The following DENND1A variants were observed in gnomAD, a reference collection of about 807,000 sequenced individuals.
DENND1A encodes DENN domain-containing protein 1A.
DENND1A carries 51 observed loss-of-function variants against 113.7 expected under a neutral mutation model. The ratio of observed to expected loss-of-function variants is 0.45; its 90% confidence interval spans 0.36 to 0.57. The LOEUF (loss-of-function observed/expected upper bound fraction) is 0.57. Among genes scored for constraint, DENND1A ranks in the 20% least tolerant of loss-of-function variants. DENND1A has a pLI of 0.00. For synonymous variants in DENND1A, 565 were observed against 570.8 expected (o/e 0.99, Z 0.14); for missense variants, 1,258 against 1,395.9 (o/e 0.90, Z 1.57).
At chr9:123,586,193 C>T (rs2059153626) in intron 11 of DENND1A, among the ~76,000 whole-genome samples, 1 of 152,034 alleles carries the variant, frequency 6.6e-6, no homozygotes, top group Non-Finnish European at 1.5e-5. Flanking sequence ...TCCAAATAGT[C>T]CCAAACAGAA....
intron 13 of DENND1A, among the ~76,000 whole-genome samples, chr9:123,481,801 T>C (rs566536976): frequency 1.5e-4 from 23 of 150,708 alleles, no homozygotes; most frequent in Middle Eastern, 3.4e-3. Flanking sequence ...TTCTTTCTTT[T>C]TTTTTTTTTT....
intron 13 of DENND1A, among the ~76,000 whole-genome samples, chr9:123,491,400 G>A (rs1253986693): frequency 6.6e-6 from 1 of 152,244 alleles, no homozygotes; most frequent in East Asian, 1.9e-4. Context: ...CCTTCAGGTA[G>A]TCTTCTGGGA....
chr9:123,772,119 G>A (rs1829822257), intron 3 of DENND1A, among the ~76,000 whole-genome samples: 1 of 152,006 alleles, frequency 6.6e-6, no homozygotes, highest in Non-Finnish European at 1.5e-5. Context: ...AAGAGGGAGG[G>A]AAAAACAAGC....
At chr9:123,443,270 TCTC>T (rs2047060857) in intron 18 of DENND1A, among the ~76,000 whole-genome samples, 2 of 152,290 alleles carry the variant, frequency 1.3e-5, no homozygotes, top group African/African-American at 4.8e-5. Context: ...GATGTAATCT[TCTC>T]CTCGGAAGCT....
chr9:123,673,347 T>C (rs1269951007), intron 6 of DENND1A, among the ~76,000 whole-genome samples: 1 of 152,260 alleles, frequency 6.6e-6, no homozygotes, highest in Non-Finnish European at 1.5e-5. Context: ...TTTACTATCC[T>C]AATTTGTTTT....
At chr9:123,585,636 C>A (rs1369312487) in intron 11 of DENND1A, among the ~76,000 whole-genome samples, 1 of 152,194 alleles carries the variant, frequency 6.6e-6, no homozygotes, top group Non-Finnish European at 1.5e-5. Flanking sequence ...ACAAAAACAG[C>A]ATCAATGGCC....
intron 2 of DENND1A, among the ~76,000 whole-genome samples, chr9:123,794,395 G>T (rs1486314465): frequency 6.6e-6 from 1 of 152,166 alleles, no homozygotes; most frequent in Non-Finnish European, 1.5e-5. Context: ...GCCACTGAGG[G>T]ACATAATAAA....
Position 123,900,187 on chromosome 9 carries a change from T to C in DENND1A, c.18-21166A>G, listed in dbSNP as rs200656059. ...CAGTTATCTGGAACCATCACAAATA[T>C]AAATCCTGGGAGTTAAACATATAAA... On this transcript the variant is annotated intron_variant, in intron 1 of 23. Transcript: ENST00000394215. 2.6e-5 allele frequency among the ~76,000 whole-genome samples: 4 copies of C among 152,344 alleles called. No homozygotes were observed. The East Asian group carries it at 5.8e-4, about 22-fold the overall frequency.
chr9:123,924,025 T>C (rs1856698155), intron 1 of DENND1A, among the ~76,000 whole-genome samples: 1 of 152,154 alleles, frequency 6.6e-6, no homozygotes, highest in Non-Finnish European at 1.5e-5. Context: ...CCCAAATACC[T>C]AACAACTGAC....
intron 2 of DENND1A, among the ~76,000 whole-genome samples, chr9:123,836,600 TAA>T (rs1404307336): frequency 6.6e-6 from 1 of 152,212 alleles, no homozygotes; most frequent in Non-Finnish European, 1.5e-5. Context: ...AGTTTGAGTC[TAA>T]GTTTTTCATA....
intron 12 of DENND1A, among the ~76,000 whole-genome samples, chr9:123,571,833 T>C (rs1334426398): frequency 1.3e-5 from 2 of 152,168 alleles, no homozygotes; most frequent in African/African-American, 4.8e-5. Context: ...GATTGTTGGG[T>C]TGTATGGTAG....
intron 2 of DENND1A, among the ~76,000 whole-genome samples, chr9:123,796,339 A>G (rs1590119004): frequency 6.6e-6 from 1 of 152,186 alleles, no homozygotes; most frequent in Non-Finnish European, 1.5e-5. Flanking sequence ...CAAAAGCACA[A>G]TCTCACTCAG....
At chr9:123,826,230 C>T (rs1839307400) in intron 2 of DENND1A, among the ~76,000 whole-genome samples, 1 of 151,964 alleles carries the variant, frequency 6.6e-6, no homozygotes, top group Non-Finnish European at 1.5e-5. Flanking sequence ...AGTGAGACCC[C>T]TATCTCTACA....
At chr9:123,813,437 C>A (rs1259452588) in intron 2 of DENND1A, among the ~76,000 whole-genome samples, 1 of 151,244 alleles carries the variant, frequency 6.6e-6, no homozygotes, top group Non-Finnish European at 1.5e-5. Flanking sequence ...AGTAAATTCT[C>A]TCTCAAATAG....
At chr9:123,386,398 T>TTA (rs11404696) in intron 22 of DENND1A, among the ~76,000 whole-genome samples, 2 of 150,806 alleles carry the variant, frequency 1.3e-5, no homozygotes, top group Non-Finnish European at 3.0e-5. Flanking sequence ...TTTTTTTTTT[T>TTA]AAAGGCAGAG....
chr9:123,861,930 C>T (rs1451781956), intron 2 of DENND1A, among the ~76,000 whole-genome samples: 1 of 152,092 alleles, frequency 6.6e-6, no homozygotes, highest in Non-Finnish European at 1.5e-5. Context: ...ATGCACAACA[C>T]AAAGAGGCTT....
chr9:123,922,248 T>C (rs987350386), intron 1 of DENND1A, among the ~76,000 whole-genome samples: 1 of 152,168 alleles, frequency 6.6e-6, no homozygotes, highest in African/African-American at 2.4e-5. Flanking sequence ...ATTCCTTTTC[T>C]TTACACTGCC....
At chr9:123,757,912 C>T (rs2070708221) in intron 4 of DENND1A, 90 bp from the exon 5 acceptor site, 1 of 1,378,306 alleles carries the variant, frequency 7.3e-7, no homozygotes, top group Non-Finnish European at 9.6e-7. Context: ...GAACTTATAA[C>T]ATTTCCTCTC....
rs1289902845 is a variant in DENND1A, at chr9:123,909,388, TATAAA to T, written c.17+20496_17+20500del. On this transcript the variant is annotated intron_variant, in intron 1 of 23. Coordinates refer to ENST00000394215, the MANE Select transcript of DENND1A (RefSeq NM_001352964.2). Reference sequence around the variant, plus strand: ...AAAACAATAAAAAAATAAAATAAAATATAAAATAAAATAAAAAATAAAAATAAATA... The same window carrying T: ...AAAACAATAAAAAAATAAAATAAAATATAAAATAAAAAATAAAAATAAATA... Among the ~76,000 whole-genome samples the T allele has an allele frequency of 3.4e-5, 5 of 146,486 alleles. No individual in the cohort carries two copies. In the East Asian group the frequency reaches 5.9e-4, roughly 17 times the overall value.
Sources: allele counts gnomAD v4.1 joint callset (sites outside exome capture counted in the v4.1 genomes callset), GRCh38; gene constraint gnomAD v4.1.1; transcripts MANE v1.5; gene names NCBI Gene and HGNC (gene_info 2026-07-23, HGNC 2026-07-21).